CACNA1S: variants seen among roughly 807,000 people sequenced by gnomAD.
The protein encoded by CACNA1S is voltage-dependent L-type calcium channel subunit alpha-1S.
CACNA1S carries 126 observed loss-of-function variants against 207.4 expected under a neutral mutation model. The ratio of observed to expected loss-of-function variants is 0.61; its 90% CI spans 0.53 to 0.70. The LOEUF is 0.70. Among genes scored for constraint, CACNA1S ranks in the 30% least tolerant of loss-of-function variants. The pLI is 0.00. For missense variants in CACNA1S, 2,349 were observed against 2,422.8 expected, an observed-to-expected ratio of 0.97 and a Z score of 0.64; for synonymous variants, 960 against 932.7, an observed-to-expected ratio of 1.03 and a Z score of -0.53.
At chr1:201,087,102 A>G (rs1051903349) in intron 7 of CACNA1S, among the ~76,000 whole-genome samples, 16 of 152,170 alleles carry the variant, frequency 1.1e-4, no homozygotes, top group Non-Finnish European at 4.4e-5. Flanking sequence ...GGGTGGGTGG[A>G]GGGATGACAG....
At position 201,069,715 on chromosome 1, in the gene CACNA1S, A is replaced by G. The variant is rs1661385856; in HGVS notation, c.2361-114T>C. 4 of 1,312,968 alleles carry G rather than the reference A, an allele frequency of 3.0e-6. No individual in the cohort carries two copies. In the Admixed American group the frequency reaches 6.1e-5, roughly 20 times the overall value. The allele number at this position is 1,312,968 out of a possible 1,614,324, so 81.3% of individuals were successfully genotyped here. On this transcript the variant is annotated intron_variant, in intron 17 of 43. Coordinates refer to ENST00000362061, the MANE Select transcript of CACNA1S (RefSeq NM_000069.3). ...ATACACCTCCTGCTCCTCCCTGGCC[A>G]GGAGAGAAGTGCAGCCCTGCACCTG...
In CACNA1S at chr1:201,089,467, G is replaced by C; in HGVS notation, c.695-4C>G. 6.2e-7 allele frequency: 1 copy of C among 1,613,572 alleles called. No individual in the cohort carries two copies. Among genetic ancestry groups the C allele is most frequent in the East Asian group, 2.2e-5 (1 of 44,880 alleles). On this transcript the variant is annotated splice_region_variant and splice_polypyrimidine_tract_variant and intron_variant, in intron 5 of 43. Transcript: ENST00000362061. ...TTCTCCACCGTGGCCACGATATCTG[G>C]AGGCAGAAGGCAAAGGGAACATCAG...
At chr1:201,105,874 C>T (rs927066517) in intron 2 of CACNA1S, among the ~76,000 whole-genome samples, 4 of 152,178 alleles carry the variant, frequency 2.6e-5, no homozygotes, top group Non-Finnish European at 5.9e-5. Flanking sequence ...CGGCCCTGCT[C>T]GCACACACGG....
chr1:201,105,515 C>A (rs1662845041), intron 2 of CACNA1S, among the ~76,000 whole-genome samples: 1 of 152,168 alleles, frequency 6.6e-6, no homozygotes, highest in Non-Finnish European at 1.5e-5. Flanking sequence ...AGCTCCAGAA[C>A]CCATTTTTAT....
At chr1:201,094,076 G>C (rs931921193) in intron 2 of CACNA1S, 55 bp from the exon 3 acceptor site, 2 of 1,610,168 alleles carry the variant, frequency 1.2e-6, no homozygotes, top group African/African-American at 1.3e-5. Flanking sequence ...GTGCACCCTT[G>C]CTCTCTTCCC....
At position 201,053,720 on chromosome 1, in the gene CACNA1S, G is replaced by T; in HGVS notation, c.3667-133C>A. ...ATGGAGGAACTCCAGCCCCGCCTCTGGCCCCTGCTGTCCACTAGTTCGGGA... is the reference window on the plus strand; with the variant it reads ...ATGGAGGAACTCCAGCCCCGCCTCTTGCCCCTGCTGTCCACTAGTTCGGGA... On this transcript the variant is annotated intron_variant, in intron 29 of 43. Transcript: ENST00000362061. The surrounding 1 kb of genome is among the most constrained non-coding windows in gnomAD (Gnocchi z 5.1). 1.1e-6 allele frequency: 1 copy of T among 907,692 alleles called. No individual in the cohort carries two copies. The highest frequency in any genetic ancestry group is 2.6e-5 in the East Asian group (1 of 37,920). 56.2% of individuals were successfully genotyped at this position (907,692 alleles called of 1,614,324 possible).
At chr1:201,055,810 C>T (rs1305911340) in intron 28 of CACNA1S, among the ~76,000 whole-genome samples, 1 of 152,138 alleles carries the variant, frequency 6.6e-6, no homozygotes, top group Admixed American at 6.6e-5. Flanking sequence ...CAAATAAAAA[C>T]CAGTGACACC....
At chr1:201,063,787 G>A (rs144077920) in intron 22 of CACNA1S, among the ~76,000 whole-genome samples, 33 of 152,340 alleles carry the variant, frequency 2.2e-4, no homozygotes, top group Non-Finnish European at 3.5e-4. Context: ...ATGGTTGCTG[G>A]AGCAGAAGGT....
chr1:201,108,661 G>GT (rs1662988869), intron 2 of CACNA1S, among the ~76,000 whole-genome samples: 1 of 152,150 alleles, frequency 6.6e-6, no homozygotes, highest in South Asian at 2.1e-4. Flanking sequence ...GGAGCTCAGA[G>GT]TGTTTTCCCC....
In CACNA1S at chr1:201,065,803, G is replaced by A. The variant is rs777770681; in HGVS notation, c.2853+35C>T. On this transcript the variant is annotated intron_variant, in intron 22 of 43. Transcript: ENST00000362061. The stretch of plus-strand genomic sequence containing the variant: ...GAGAGTGGGCACCAGGGCTGGGAGC[G>A]GGAGGGGGAGCTGCTCGCGCAGGCT... 127 of 1,463,542 alleles carry A rather than the reference G, an allele frequency of 8.7e-5. No individual in the cohort carries two copies. In the Middle Eastern group the frequency reaches 8.8e-4, roughly 10 times the overall value. The allele number at this position is 1,463,542 out of a possible 1,614,324, so 90.7% of individuals were successfully genotyped here.
chr1:201,063,703 A>T (rs1053497387), intron 22 of CACNA1S, among the ~76,000 whole-genome samples: 2 of 152,210 alleles, frequency 1.3e-5, no homozygotes, highest in African/African-American at 4.8e-5. Flanking sequence ...GCACTAGTTG[A>T]AGACACAGCT....
chr1:201,069,267 G>A, intron 18 of CACNA1S, 71 bp from the exon 19 acceptor site: 1 of 1,487,786 alleles, frequency 6.7e-7, no homozygotes, highest in Non-Finnish European at 9.4e-7. Flanking sequence ...AGCAGCAGCA[G>A]CATAAAGCAG....
At chr1:201,058,161 T>A (rs1208868842) in intron 28 of CACNA1S, among the ~76,000 whole-genome samples, 2 of 152,222 alleles carry the variant, frequency 1.3e-5, no homozygotes, top group African/African-American at 4.8e-5. Context: ...ACGACTTTCC[T>A]TTCCGTTACA....
At position 201,057,300 on chromosome 1, in the gene CACNA1S, G is replaced by A. The variant is rs1051723619; in HGVS notation, c.3609+1108C>T. Among the ~76,000 whole-genome samples the A allele has an allele frequency of 3.7e-4, 56 of 152,170 alleles. 2 individuals carry two copies. Among genetic ancestry groups the A allele is most frequent in the Non-Finnish European group, 7.3e-5 (5 of 68,032 alleles). ...GCTGCAGGGCCTTTGCACTGCTGTC[G>A]TGTTCTGCCAACACTCTGGCCCCCG... is the stretch of plus-strand genomic sequence containing the variant. On this transcript the variant is annotated intron_variant, in intron 28 of 43. Coordinates refer to ENST00000362061, the MANE Select transcript of CACNA1S (RefSeq NM_000069.3).
At chr1:201,086,388 T>C (rs1266115660) in intron 7 of CACNA1S, among the ~76,000 whole-genome samples, 1 of 152,254 alleles carries the variant, frequency 6.6e-6, no homozygotes, top group Non-Finnish European at 1.5e-5. Flanking sequence ...ATGACTGGGA[T>C]GCGTTCTGAG....
At chr1:201,063,666 A>G (rs28588161) in intron 22 of CACNA1S, among the ~76,000 whole-genome samples, 2 of 152,204 alleles carry the variant, frequency 1.3e-5, no homozygotes, top group Admixed American at 1.3e-4. Flanking sequence ...AGACCCAGAT[A>G]GGGAAACTGC....
chr1:201,056,213 A>C (rs967074234), intron 28 of CACNA1S, among the ~76,000 whole-genome samples: 1 of 152,180 alleles, frequency 6.6e-6, no homozygotes, highest in Non-Finnish European at 1.5e-5. Context: ...GAGGGTGAAC[A>C]GGGTTCCCAC....
intron 39 of CACNA1S, among the ~76,000 whole-genome samples, chr1:201,044,087 G>A (rs1412594820): frequency 6.6e-6 from 1 of 152,162 alleles, no homozygotes; most frequent in Non-Finnish European, 1.5e-5. Flanking sequence ...GGGAGGAAAG[G>A]GAAGGGGTGA....
At chr1:201,098,563 T>G (rs1662521080) in intron 2 of CACNA1S, among the ~76,000 whole-genome samples, 1 of 152,244 alleles carries the variant, frequency 6.6e-6, no homozygotes, top group Non-Finnish European at 1.5e-5. Flanking sequence ...AGCTCTGCTA[T>G]AGAATGCGTC....
Sources: gnomAD v4.1 joint callset for allele counts (sites outside exome capture counted in the v4.1 genomes callset) on GRCh38, gnomAD v4.1.1 for gene constraint, Gnocchi (gnomAD v3.1) non-coding constraint, MANE v1.5 for transcripts, NCBI Gene and HGNC (gene_info 2026-07-23, HGNC 2026-07-21) for gene names.